CPVL: variants seen among roughly 807,000 people sequenced by gnomAD.
CPVL encodes carboxypeptidase vitellogenic like.
Under a neutral mutation model 63.7 loss-of-function variants are expected in CPVL, and 51 were observed. The ratio of observed to expected loss-of-function variants is 0.80; its 90% confidence interval spans 0.64 to 1.01. CPVL has a LOEUF of 1.01. Among genes scored for constraint, CPVL ranks in the 50% least tolerant of loss-of-function variants. The probability of loss-of-function intolerance (pLI) is 0.00; values close to 1 mark genes in which losing one functional copy is unlikely to be tolerated. For missense variants in CPVL, 530 were observed against 573.1 expected (o/e 0.92, Z 0.77); for synonymous variants, 195 against 206.0 (o/e 0.95, Z 0.46).
chr7:29,117,473 C>T (rs963392501), intron 2 of CPVL, among the ~76,000 whole-genome samples: 5 of 152,216 alleles, frequency 3.3e-5, no homozygotes, highest in Admixed American at 1.3e-4. Flanking sequence ...TCGCTATTTA[C>T]GTAAATCTTA....
chr7:29,127,161 C>A (rs981991643), intron 1 of CPVL, among the ~76,000 whole-genome samples: 1 of 152,108 alleles, frequency 6.6e-6, no homozygotes, highest in African/African-American at 2.4e-5. Context: ...AATCTGACAC[C>A]ACAGTCTAGA....
intron 12 of CPVL, among the ~76,000 whole-genome samples, chr7:29,007,752 AACACAC>A (rs70977090): frequency 2.0e-5 from 3 of 149,920 alleles, no homozygotes; most frequent in African/African-American, 7.3e-5. Context: ...GTAGTATTAA[AACACAC>A]ACACACACAC....
upstream of CPVL, chr7:29,147,182 T>C: frequency 1.7e-6 from 1 of 601,802 alleles, no homozygotes; most frequent in Non-Finnish European, 2.8e-6. Flanking sequence ...AGCCAGACAG[T>C]ACGGGAGCAA....
At position 29,188,295 on chromosome 7, in the gene CPVL, T is replaced by C. The variant is rs562083507; in HGVS notation, c.-447-1748A>G. Reference sequence around the variant, plus strand: ...CATTTTAGAGACCAAGAATATAAGATTAAATAATTTGCTCAGGGTCACACA... The same window carrying C: ...CATTTTAGAGACCAAGAATATAAGACTAAATAATTTGCTCAGGGTCACACA... On this transcript the variant is annotated intron_variant, in intron 1 of 16. Transcript: ENST00000409850. 2.0e-5 allele frequency among the ~76,000 whole-genome samples: 3 copies of C among 152,270 alleles called. No homozygotes were observed. The South Asian group carries it at 6.2e-4, about 32-fold the overall frequency.
chr7:29,005,620 A>G (rs1384043174), intron 12 of CPVL, among the ~76,000 whole-genome samples: 1 of 152,020 alleles, frequency 6.6e-6, no homozygotes, highest in East Asian at 1.9e-4. Context: ...CTCCCCTTTC[A>G]CCACATGCAA....
intron 7 of CPVL, among the ~76,000 whole-genome samples, chr7:29,080,575 AAAGT>A (rs1262838063): frequency 6.6e-6 from 1 of 151,874 alleles, no homozygotes; most frequent in African/African-American, 2.4e-5. Context: ...AAAAAAAAAA[AAAGT>A]AGGTGAAAAG....
At chr7:29,103,939 C>T (rs1787461581) in intron 3 of CPVL, among the ~76,000 whole-genome samples, 2 of 152,148 alleles carry the variant, frequency 1.3e-5, no homozygotes, top group Non-Finnish European at 2.9e-5. Context: ...TTTAAATTCC[C>T]ACAAGTATGT....
chr7:29,110,885 T>C (rs1788161466), intron 3 of CPVL, among the ~76,000 whole-genome samples: 1 of 152,060 alleles, frequency 6.6e-6, no homozygotes. Context: ...ACCATGGAGA[T>C]TATGTGCTGT....
At chr7:29,158,386 A>G (rs575378835) in intron 5 of CPVL, among the ~76,000 whole-genome samples, 2 of 152,342 alleles carry the variant, frequency 1.3e-5, no homozygotes, top group South Asian at 4.1e-4. Context: ...TAAAACATGT[A>G]ACATGATGTC....
At chr7:29,174,876 A>T (rs1283336772) in intron 5 of CPVL, among the ~76,000 whole-genome samples, 1 of 151,816 alleles carries the variant, frequency 6.6e-6, no homozygotes, top group Non-Finnish European at 1.5e-5. Flanking sequence ...AAAAAAAAAA[A>T]GAATTTTTAG....
At chr7:29,082,062 C>G (rs998625670) in intron 7 of CPVL, among the ~76,000 whole-genome samples, 2 of 152,182 alleles carry the variant, frequency 1.3e-5, no homozygotes, top group African/African-American at 4.8e-5. Flanking sequence ...TCTACAAACT[C>G]AGCAGCACTA....
chr7:29,187,598 C>T (rs1034550001), intron 1 of CPVL, among the ~76,000 whole-genome samples: 8 of 151,976 alleles, frequency 5.3e-5, no homozygotes, highest in African/African-American at 1.9e-4. Context: ...GTGGTGTAAT[C>T]CCACCTGTAA....
chr7:29,147,854 T>G (rs1377970145), upstream of CPVL, among the ~76,000 whole-genome samples: 1 of 152,202 alleles, frequency 6.6e-6, no homozygotes, highest in Admixed American at 6.5e-5. Context: ...AGTTCTACCT[T>G]CCTACCTAGA....
At chr7:29,109,660 C>T (rs1788058974) in intron 3 of CPVL, among the ~76,000 whole-genome samples, 1 of 152,004 alleles carries the variant, frequency 6.6e-6, no homozygotes, top group African/African-American at 2.4e-5. Flanking sequence ...CTGTGGGTAC[C>T]GTTTTTTCAT....
At chr7:29,162,632 G>A (rs1171716631) in intron 5 of CPVL, among the ~76,000 whole-genome samples, 1 of 144,306 alleles carries the variant, frequency 6.9e-6, no homozygotes, top group Non-Finnish European at 1.5e-5. Context: ...TTGCACTCCA[G>A]CCTGGGCAAC....
At chr7:29,187,058 G>A (rs1244309706) in intron 1 of CPVL, among the ~76,000 whole-genome samples, 3 of 152,096 alleles carry the variant, frequency 2.0e-5, no homozygotes, top group African/African-American at 2.4e-5. Flanking sequence ...CATGATCCTG[G>A]CACATAGGAA....
chr7:29,026,413 T>C (rs1484002884), intron 12 of CPVL, among the ~76,000 whole-genome samples: 2 of 151,690 alleles, frequency 1.3e-5, no homozygotes, highest in African/African-American at 4.8e-5. Context: ...TTTAAAAAAC[T>C]AGAAAAGCAA....
At chr7:29,089,427 C>T (rs1026997951) in intron 6 of CPVL, among the ~76,000 whole-genome samples, 1 of 152,136 alleles carries the variant, frequency 6.6e-6, no homozygotes, top group African/African-American at 2.4e-5. Flanking sequence ...CCAAAAAAGC[C>T]AAGCAAAGTG....
intron 6 of CPVL, among the ~76,000 whole-genome samples, chr7:29,091,516 G>A (rs549666530): frequency 3.9e-5 from 6 of 152,228 alleles, no homozygotes; most frequent in East Asian, 1.9e-4. Context: ...CGTCCGTTAC[G>A]TCTGTGGAGG....
Sources: allele counts gnomAD v4.1 joint callset (sites outside exome capture counted in the v4.1 genomes callset), GRCh38; gene constraint gnomAD v4.1.1; transcripts MANE v1.5; gene names NCBI Gene and HGNC (gene_info 2026-07-23, HGNC 2026-07-21).